Variants in HENMT1 observed in about 807,000 individuals in gnomAD.
The protein encoded by HENMT1 is small RNA 2'-O-methyltransferase.
In HENMT1, 27 loss-of-function variants were observed where a neutral mutation model predicts 31.1. The ratio of observed to expected loss-of-function variants is 0.87; its 90% CI spans 0.64 to 1.20. HENMT1 has a LOEUF of 1.20. Ranked by LOEUF, HENMT1 falls within the 50% of genes most tolerant of loss-of-function variation. The pLI is 0.00. For synonymous variants in HENMT1, 167 were observed against 172.2 expected (o/e 0.97, Z 0.24); for missense variants, 438 against 469.6 (o/e 0.93, Z 0.62).
At chr1:108,650,081 T>G (rs1471616063) in intron 7 of HENMT1, 130 bp downstream of exon 7, 1 of 830,360 alleles carries the variant, frequency 1.2e-6, no homozygotes, top group Admixed American at 1.8e-5. Flanking sequence ...GCCTGAAGAA[T>G]TCTCCTAGAG....
rs1658290553 is a variant in HENMT1, at chr1:108,657,677, A to G, written c.22-98T>C. On this transcript the variant is annotated intron_variant, in intron 2 of 7. Transcript: ENST00000651461. ...AAAAAAAACTTTATTTCCCCCAATC[A>G]CTTTGAAAAACACACTGGCCTTCAC... 6 of 1,129,614 alleles carry G rather than the reference A, an allele frequency of 5.3e-6. No homozygotes were observed. In the South Asian group the frequency reaches 7.2e-5, roughly 14 times the overall value. 70.0% of individuals were successfully genotyped at this position (1,129,614 alleles called of 1,614,324 possible). A position where few individuals can be genotyped will look rare whatever the true frequency, so the allele number is the denominator to read the frequency against.
chr1:108,649,518 A>G, intron 7 of HENMT1: 1 of 375,522 alleles, frequency 2.7e-6, no homozygotes, highest in Non-Finnish European at 5.2e-6. Context: ...TAGGAGGCTC[A>G]AGTGGGAGGA....
intron 3 of HENMT1, among the ~76,000 whole-genome samples, chr1:108,656,063 A>T (rs979739653): frequency 5.9e-5 from 9 of 152,198 alleles, no homozygotes; most frequent in African/African-American, 2.2e-4. Flanking sequence ...AAATATTCTC[A>T]GCATATTTCA....
intron 5 of HENMT1, 74 bp downstream of exon 5, chr1:108,654,642 G>C (rs1400996447): frequency 7.0e-7 from 1 of 1,438,306 alleles, no homozygotes; most frequent in African/African-American, 1.4e-5. Flanking sequence ...ATTATATTTA[G>C]GACACTAAGA....
rs1658448694 is a variant in HENMT1, at chr1:108,660,989, G to A, written c.-105C>T. On this transcript the variant is annotated 5_prime_UTR_variant, in exon 1 of 8. Coordinates refer to ENST00000651461, the MANE Select transcript of HENMT1 (RefSeq NM_001102592.2). The stretch of plus-strand genomic sequence containing the variant: ...GAAACCAACGCTTCTGTCTTTGTAC[G>A]GGCCGTCGCTTCCATCATCCTGCGG... The A allele has an allele frequency of 1.0e-6, 1 of 985,156 alleles. No individual in the cohort carries two copies. The highest frequency in any genetic ancestry group is 6.1e-5 in the Admixed American group (1 of 16,268). The allele number at this position is 985,156 out of a possible 1,614,324, so 61.0% of individuals were successfully genotyped here.
chr1:108,648,689 G>T lies in HENMT1; in HGVS notation c.1059C>A (p.Asn353Lys), dbSNP rs763598566. The change falls in exon 8 of 8, where the codon AAC becomes AAA. Residue 353 changes from asparagine (N) to lysine (K), a missense_variant. Transcript: ENST00000651461. ...TCATCTCTTCATTAGCACATAAGCG[G>T]TTCAACTTGGGATACGCAAGGAGTC... ...LQRLLAYPKL[N>K]RLCANEEMMR... 15 of 1,614,080 alleles carry T rather than the reference G, an allele frequency of 9.3e-6. No homozygotes were observed. Among genetic ancestry groups the T allele is most frequent in the African/African-American group, 1.3e-5 (1 of 74,932 alleles).
At chr1:108,655,367 TTTGA>T (rs1256211007) in intron 4 of HENMT1, among the ~76,000 whole-genome samples, 5 of 152,238 alleles carry the variant, frequency 3.3e-5, no homozygotes, top group African/African-American at 7.2e-5. Flanking sequence ...TTTACAATGC[TTTGA>T]TTATTATAAT....
Position 108,648,964 on chromosome 1 carries a change from G to GT in HENMT1, c.783dup (p.Gln262ThrfsTer7). The GT allele has an allele frequency of 6.2e-7, 1 of 1,607,338 alleles. No individual in the cohort carries two copies. Reference sequence around the variant, plus strand: ...ACAAGTTTAAAGAACCTTTCCTGCTGTAAGCTTGGGTATGAGGTGGTAAAA... The same window carrying GT: ...ACAAGTTTAAAGAACCTTTCCTGCTGTTAAGCTTGGGTATGAGGTGGTAAAA... On this transcript the variant is annotated frameshift_variant, in exon 8 of 8. Coordinates refer to ENST00000651461, the MANE Select transcript of HENMT1 (RefSeq NM_001102592.2). LOFTEE classifies it low-confidence loss of function (END_TRUNC).
In HENMT1 at chr1:108,651,149, C is replaced by T. The variant is rs150115818; in HGVS notation, c.459G>A (p.Leu153=). ...ARFPEVVFGY[L]SPSMIVISTP... ...TGCTGATGACAATCATGGATGGAGA[C>T]AGGTACCCAAATACCACTTCAGGAA... Residue 153 remains leucine, a synonymous_variant, in exon 6 of 8, where the codon CTG becomes CTA. Coordinates refer to ENST00000651461, the MANE Select transcript of HENMT1 (RefSeq NM_001102592.2). 2 of 1,614,024 alleles carry T rather than the reference C, an allele frequency of 1.2e-6. No homozygotes were observed. Among genetic ancestry groups the T allele is most frequent in the East Asian group, 2.2e-5 (1 of 44,856 alleles).
chr1:108,659,522 C>T (rs1658373858), intron 2 of HENMT1, among the ~76,000 whole-genome samples: 1 of 152,142 alleles, frequency 6.6e-6, no homozygotes, highest in African/African-American at 2.4e-5. Context: ...ACTTTAGAAA[C>T]ACAAAAGCTT....
chr1:108,657,349 C>G (rs934068521), intron 3 of HENMT1, 102 bp downstream of exon 3: 14 of 788,408 alleles, frequency 1.8e-5, no homozygotes, highest in South Asian at 1.2e-4. Context: ...ATTGCAATAA[C>G]CCCTGTGAAA....
At position 108,648,884 on chromosome 1, in the gene HENMT1, T is replaced by C. The variant is rs760547292; in HGVS notation, c.864A>G (p.Pro288=). The C allele has an allele frequency of 1.2e-6, 2 of 1,614,090 alleles. No homozygotes were observed. The highest frequency in any genetic ancestry group is 1.7e-6 in the Non-Finnish European group (2 of 1,180,036). ...QVESLRVSHL[P]RRKEQAGERG... Reference sequence around the variant, plus strand: ...GTTCCCCAGCCTGTTCTTTCCGCCTTGGCAGGTGGCTCACTCTTAAGCTTT... The same window carrying C: ...GTTCCCCAGCCTGTTCTTTCCGCCTCGGCAGGTGGCTCACTCTTAAGCTTT... Residue 288 remains proline (P), a synonymous_variant, in exon 8 of 8, where the codon CCA becomes CCG. Coordinates refer to ENST00000651461, the MANE Select transcript of HENMT1 (RefSeq NM_001102592.2).
Position 108,661,033 on chromosome 1 carries a change from G to GA in HENMT1, c.-150dup, listed in dbSNP as rs1349484032. ...CCTGCGGTAAGCAGCATGCCCAACC[G>GA]AAAAAACAAAGCTCGTCGCGGAGCC... On this transcript the variant is annotated 5_prime_UTR_variant, in exon 1 of 8. Transcript: ENST00000651461. 6.1e-6 allele frequency: 6 copies of GA among 984,206 alleles called. No individual in the cohort carries two copies. Among genetic ancestry groups the GA allele is most frequent in the African/African-American group, 1.7e-5 (1 of 57,210 alleles). 61.0% of individuals were successfully genotyped at this position (984,206 alleles called of 1,614,324 possible). A position where few individuals can be genotyped will look rare whatever the true frequency, so the allele number is the denominator to read the frequency against.
At chr1:108,660,116 G>A (rs1161103609) in intron 1 of HENMT1, among the ~76,000 whole-genome samples, 154 bp from the exon 2 acceptor site, 1 of 83,768 alleles carries the variant, frequency 1.2e-5, no homozygotes, top group Non-Finnish European at 2.3e-5. Context: ...TCACCTCTGA[G>A]TACTCAAAAA....
intron 3 of HENMT1, among the ~76,000 whole-genome samples, chr1:108,656,677 C>T (rs1658253362): frequency 6.6e-6 from 1 of 152,178 alleles, no homozygotes; most frequent in South Asian, 2.1e-4. Context: ...CAGGGTCTCA[C>T]TATGGTGCCA....
chr1:108,651,107 G>T lies in HENMT1; in HGVS notation c.501C>A (p.Phe167Leu), dbSNP rs1201902271. Residue 167 changes from phenylalanine (F) to leucine (L), a missense_variant, in exon 6 of 8, where the codon TTC becomes TTA. Phe to Leu is a conservative substitution (Grantham distance 22). Transcript: ENST00000651461. ...MIVISTPNSE[F>L]NPLFPSVTLR... ...AGGTCACTGATGGAAACAGGGGATT[G>T]AATTCAGAGTTTGGTGTGCTGATGA... is the stretch of plus-strand genomic sequence containing the variant. 2 of 1,613,828 alleles carry T rather than the reference G, an allele frequency of 1.2e-6. No homozygotes were observed. The highest frequency in any genetic ancestry group is 2.2e-5 in the East Asian group (1 of 44,860).
chr1:108,652,713 G>C (rs1419935929), intron 5 of HENMT1, among the ~76,000 whole-genome samples: 1 of 152,104 alleles, frequency 6.6e-6, no homozygotes, highest in East Asian at 1.9e-4. Context: ...GGGAGGCCGA[G>C]GTGGGCAGAT....
chr1:108,657,451 C>A lies in HENMT1; in HGVS notation c.150G>T (p.Lys50Asn). ...KNLVDQHEPK[K>N]VADLGCGDTS... ...AATGTTTGGAAAGAGAAATACCTAC[C>A]TTCTTAGGCTCATGTTGATCCACTA... The change falls in exon 3 of 8, where the codon AAG becomes AAT. Residue 50 changes from lysine to asparagine, a missense_variant and splice_region_variant. Lys to Asn is a moderately conservative substitution (Grantham distance 94, BLOSUM62 0). Transcript: ENST00000651461. 6.3e-7 allele frequency: 1 copy of A among 1,598,666 alleles called. No individual in the cohort carries two copies. The highest frequency in any genetic ancestry group is 8.6e-7 in the Non-Finnish European group (1 of 1,168,676).
intron 4 of HENMT1, 108 bp downstream of exon 4, chr1:108,655,478 T>C: frequency 1.7e-6 from 1 of 593,326 alleles, no homozygotes; most frequent in Non-Finnish European, 2.8e-6. Context: ...TGAAGATCCC[T>C]AATGGCCCCA....
Sources: gnomAD v4.1 joint callset for allele counts (sites outside exome capture counted in the v4.1 genomes callset) on GRCh38, gnomAD v4.1.1 for gene constraint, MANE v1.5 for transcripts, NCBI Gene and HGNC (gene_info 2026-07-23, HGNC 2026-07-21) for gene names.